PAK5: variants seen among roughly 807,000 people sequenced by gnomAD.
PAK5 encodes serine/threonine-protein kinase PAK 5.
A neutral mutation model predicts 65.9 loss-of-function variants in PAK5; 16 were observed. The ratio of observed to expected loss-of-function variants is 0.24; its 90% CI spans 0.16 to 0.37. The LOEUF (loss-of-function observed/expected upper bound fraction) is 0.37. PAK5 is among the 10% of genes least tolerant of loss of function. The pLI, the probability that PAK5 is intolerant of heterozygous loss-of-function variation, is 1.00. For synonymous variants in PAK5, 371 were observed against 354.9 expected (o/e 1.05, Z -0.51); for missense variants, 785 against 903.9 (o/e 0.87, Z 1.69).
chr20:9,754,890 G>A (rs1315566500), intron 1 of PAK5, among the ~76,000 whole-genome samples: 2 of 152,154 alleles, frequency 1.3e-5, no homozygotes, highest in Non-Finnish European at 2.9e-5. Flanking sequence ...TCAATAAGTT[G>A]TATAGAAAGG....
At position 9,580,687 on chromosome 20, in the gene PAK5, T is replaced by C; in HGVS notation, c.448A>G (p.Ser150Gly). 1 of 1,614,096 alleles carries C rather than the reference T, an allele frequency of 6.2e-7. No homozygotes were observed. The highest frequency in any genetic ancestry group is 1.6e-4 in the Middle Eastern group (1 of 6,062). The part of the protein sequence containing the change: ...DYTTEKYREK[S>G]LYGDDLDPYY... ...GGATCCAGATCATCTCCATAGAGAC[T>C]CTTCTCCCTGTACTTTTCGGTCGTG... Residue 150 changes from serine (S) to glycine (G), a missense_variant, in exon 4 of 10, where the codon AGT (serine) becomes GGT (glycine). By Grantham distance (56) the Ser-to-Gly change is moderately conservative. Transcript: ENST00000353224.
intron 3 of PAK5, among the ~76,000 whole-genome samples, chr20:9,595,114 TACATATATATAGAG>T (rs2046240570): frequency 6.6e-6 from 1 of 150,482 alleles, no homozygotes; most frequent in African/African-American, 2.5e-5. Flanking sequence ...TATACACATA[TACATATATATAGAG>T]AGAGAGAGAG....
intron 1 of PAK5, among the ~76,000 whole-genome samples, chr20:9,812,598 A>C (rs553783363): frequency 1.6e-4 from 24 of 152,310 alleles, no homozygotes; most frequent in African/African-American, 5.1e-4. Context: ...ACCCAAGGGA[A>C]GTAGAGGGAT....
chr20:9,718,848 C>G (rs1180585594), intron 1 of PAK5, among the ~76,000 whole-genome samples: 1 of 152,160 alleles, frequency 6.6e-6, no homozygotes, highest in African/African-American at 2.4e-5. Context: ...TGCTGCATTC[C>G]TCATCCAGTA....
chr20:9,738,258 A>G (rs2048413255), intron 1 of PAK5, among the ~76,000 whole-genome samples: 1 of 152,210 alleles, frequency 6.6e-6, no homozygotes, highest in Admixed American at 6.5e-5. Context: ...ACAGTTTGGC[A>G]GCTTTTAATA....
chr20:9,747,814 T>C (rs1489605247), intron 1 of PAK5, among the ~76,000 whole-genome samples: 1 of 149,984 alleles, frequency 6.7e-6, no homozygotes, highest in Admixed American at 6.6e-5. Flanking sequence ...CTATTCAACA[T>C]AGTGTTGGAA....
intron 3 of PAK5, among the ~76,000 whole-genome samples, chr20:9,640,718 C>A (rs147748656): frequency 2.6e-5 from 4 of 152,016 alleles, no homozygotes; most frequent in Non-Finnish European, 5.9e-5. Context: ...CTGGTGTGTT[C>A]GTGGTCTCGC....
At position 9,593,579 on chromosome 20, in the gene PAK5, A is replaced by G. The variant is rs564634179; in HGVS notation, c.205-12649T>C. 1.5e-4 allele frequency among the ~76,000 whole-genome samples: 22 copies of G among 150,862 alleles called. 2 individuals carry two copies. The highest frequency in any genetic ancestry group is 5.1e-4 in the African/African-American group (21 of 40,986). The stretch of plus-strand genomic sequence containing the variant: ...AGTGCTCTCCCTCCTCTTGACCCCC[A>G]CTCCCCGGACAGGCCCCGGTGTGCG... On this transcript the variant is annotated intron_variant, in intron 3 of 9. Coordinates refer to ENST00000353224, the MANE Select transcript of PAK5 (RefSeq NM_177990.4).
At chr20:9,564,055 T>C (rs1226338114) in intron 5 of PAK5, among the ~76,000 whole-genome samples, 1 of 152,170 alleles carries the variant, frequency 6.6e-6, no homozygotes, top group Non-Finnish European at 1.5e-5. Context: ...TTCTGGGAGT[T>C]AGAAGATGTG....
intron 3 of PAK5, among the ~76,000 whole-genome samples, chr20:9,641,848 T>A (rs928453801): frequency 9.9e-5 from 15 of 152,154 alleles, no homozygotes; most frequent in East Asian, 1.9e-4. Flanking sequence ...AGTTCCCCAT[T>A]GCCCGGGGCC....
chr20:9,690,024 C>T (rs1732347592), intron 2 of PAK5, among the ~76,000 whole-genome samples: 1 of 152,182 alleles, frequency 6.6e-6, no homozygotes, highest in South Asian at 2.1e-4. Context: ...AAAAAACATA[C>T]ACCTCTCCAT....
At chr20:9,836,746 G>T (rs1248980071) in intron 1 of PAK5, among the ~76,000 whole-genome samples, 1 of 152,108 alleles carries the variant, frequency 6.6e-6, no homozygotes, top group South Asian at 2.1e-4. Flanking sequence ...CATAGCATAG[G>T]TTCAGTAAAT....
chr20:9,630,493 T>C (rs1478575366), intron 3 of PAK5, among the ~76,000 whole-genome samples: 1 of 152,216 alleles, frequency 6.6e-6, no homozygotes, highest in African/African-American at 2.4e-5. Context: ...TGGCATCACC[T>C]AATGGAGTGA....
intron 3 of PAK5, among the ~76,000 whole-genome samples, chr20:9,641,799 G>A (rs1456748695): frequency 6.6e-6 from 1 of 152,134 alleles, no homozygotes; most frequent in Non-Finnish European, 1.5e-5. Context: ...ACTGCTGGGG[G>A]ACTCAGTACA....
At chr20:9,810,936 T>G (rs1269060698) in intron 1 of PAK5, among the ~76,000 whole-genome samples, 1 of 152,142 alleles carries the variant, frequency 6.6e-6, no homozygotes, top group Non-Finnish European at 1.5e-5. Flanking sequence ...ATTCAAGAAG[T>G]AACTATTCAA....
chr20:9,652,620 G>T (rs574169813), intron 2 of PAK5, among the ~76,000 whole-genome samples: 2 of 152,206 alleles, frequency 1.3e-5, no homozygotes, highest in African/African-American at 2.4e-5. Flanking sequence ...CCTTGTACCT[G>T]GTCCCCATTT....
At chr20:9,595,261 A>G (rs1458450890) in intron 3 of PAK5, among the ~76,000 whole-genome samples, 1 of 152,132 alleles carries the variant, frequency 6.6e-6, no homozygotes, top group Non-Finnish European at 1.5e-5. Flanking sequence ...TCACAACACC[A>G]AGGGCACCTC....
chr20:9,570,928 A>C (rs1724609047), intron 4 of PAK5, among the ~76,000 whole-genome samples: 1 of 152,234 alleles, frequency 6.6e-6, no homozygotes, highest in African/African-American at 2.4e-5. Flanking sequence ...CATAAAGAAG[A>C]AGCCTGCCTG....
At chr20:9,822,011 C>T (rs959769215) in intron 1 of PAK5, among the ~76,000 whole-genome samples, 3 of 152,046 alleles carry the variant, frequency 2.0e-5, no homozygotes, top group East Asian at 1.9e-4. Flanking sequence ...AATGCAGGCC[C>T]GGTGTGGTGG....
Sources: allele counts gnomAD v4.1 joint callset (sites outside exome capture counted in the v4.1 genomes callset), GRCh38; gene constraint gnomAD v4.1.1; transcripts MANE v1.5; gene names NCBI Gene and HGNC (gene_info 2026-07-23, HGNC 2026-07-21).